The following HHLA2 variants were observed in gnomAD, a reference collection of about 807,000 sequenced individuals.
HHLA2 encodes HERV-H LTR-associating protein 2.
A neutral mutation model predicts 45.9 loss-of-function variants in HHLA2; 48 were observed. That is an observed-to-expected ratio of 1.05 (90% confidence interval 0.83 to 1.33). HHLA2 has a LOEUF of 1.33. HHLA2 is among the 40% of genes most tolerant of loss of function. The probability of loss-of-function intolerance (pLI) is 0.00; values close to 1 mark genes in which losing one functional copy is unlikely to be tolerated. For synonymous variants in HHLA2, 161 were observed against 173.9 expected (o/e 0.93, Z 0.59); for missense variants, 462 against 494.3 (o/e 0.93, Z 0.62).
Position 108,301,189 on chromosome 3 carries a change from T to TAGG in HHLA2, c.-192+4591_-192+4592insGGA, listed in dbSNP as rs536314090. Among the ~76,000 whole-genome samples, 491 of 152,322 alleles carry TAGG rather than the reference T, an allele frequency of 3.2e-3. 4 individuals are homozygous for TAGG. The highest frequency in any genetic ancestry group is 0.019 in the South Asian group (93 of 4,826). ...GCGTTTTATTTTATATGCAAAACAT[T>TAGG]ATATCCTAAGTGTGCTTTGTAGATT... is the stretch of plus-strand genomic sequence containing the variant. On this transcript the variant is annotated intron_variant, in intron 1 of 10. Coordinates refer to ENST00000619531, the Ensembl canonical transcript of HHLA2.
intron 8 of HHLA2, among the ~76,000 whole-genome samples, chr3:108,366,338 CA>C (rs1403166099): frequency 6.6e-6 from 1 of 152,212 alleles, no homozygotes; most frequent in Non-Finnish European, 1.5e-5. Flanking sequence ...CCAACTTTAT[CA>C]TGGTGCATAA....
At chr3:108,371,207 T>C (rs111495921) in intron 8 of HHLA2, among the ~76,000 whole-genome samples, 1,540 of 152,278 alleles carry the variant, frequency 0.01, 23 homozygotes, top group African/African-American at 0.035. Flanking sequence ...TCAACCAGAA[T>C]TTCATATCCA....
At chr3:108,326,019 T>C in intron 2 of HHLA2, 1 of 310,100 alleles carries the variant, frequency 3.2e-6, no homozygotes, top group Non-Finnish European at 6.3e-6. Context: ...GCAAAGCCCC[T>C]CTTCTTGCCA....
chr3:108,305,847 T>A (rs1363707774), intron 1 of HHLA2, among the ~76,000 whole-genome samples: 2 of 152,210 alleles, frequency 1.3e-5, no homozygotes, highest in Admixed American at 6.5e-5. Flanking sequence ...TTCTTTGGAT[T>A]CCTGGAGAAA....
chr3:108,303,618 A>G (rs985421890), intron 1 of HHLA2, among the ~76,000 whole-genome samples: 1 of 152,172 alleles, frequency 6.6e-6, no homozygotes, highest in Non-Finnish European at 1.5e-5. Flanking sequence ...ACCTAATTTA[A>G]GTGAAGTTTT....
chr3:108,371,499 CTAAATGCTCCAATTAA>C (rs1363024949), intron 8 of HHLA2, among the ~76,000 whole-genome samples: 1 of 152,094 alleles, frequency 6.6e-6, no homozygotes, highest in Non-Finnish European at 1.5e-5. Context: ...TGTAAATGGG[CTAAATGCTCCAATTAA>C]AAGACACAGA....
exon 8 of HHLA2, chr3:108,362,389 G>C: frequency 6.2e-7 from 1 of 1,612,770 alleles, no homozygotes; most frequent in Non-Finnish European, 8.5e-7. Flanking sequence ...ATGGATTTTG[G>C]TGCCCTCTGC....
chr3:108,301,364 T>A (rs2080845873), intron 1 of HHLA2, among the ~76,000 whole-genome samples: 1 of 152,194 alleles, frequency 6.6e-6, no homozygotes, highest in Admixed American at 6.5e-5. Context: ...CAGAAATAGA[T>A]GACTGAATAC....
chr3:108,333,232 G>A (rs888538113), intron 3 of HHLA2, among the ~76,000 whole-genome samples: 1 of 152,092 alleles, frequency 6.6e-6, no homozygotes, highest in African/African-American at 2.4e-5. Context: ...GCTAATTCTG[G>A]TCCAGAGTCA....
rs960209441 is a variant in HHLA2 at position 108,344,457 on chromosome 3, T to C, written c.-26-7331T>C. On this transcript the variant is annotated intron_variant, in intron 3 of 10. Coordinates refer to ENST00000619531, the Ensembl canonical transcript of HHLA2. ...AGCATTCATCTTATTCAATTAGTCATTGAAGATAGACCAGGTTTGGTCTTG... is the reference window on the plus strand; with the variant it reads ...AGCATTCATCTTATTCAATTAGTCACTGAAGATAGACCAGGTTTGGTCTTG... Among the ~76,000 whole-genome samples the C allele has an allele frequency of 6.6e-5, 10 of 152,228 alleles. No individual in the cohort carries two copies. In the East Asian group the frequency reaches 1.3e-3, roughly 21 times the overall value.
At chr3:108,355,291 C>G (rs754137961) in exon 6 of HHLA2, 2 of 1,613,842 alleles carry the variant, frequency 1.2e-6, no homozygotes, top group South Asian at 1.1e-5. Context: ...TAACAGCCCA[C>G]TGAATATTAC....
chr3:108,348,802 C>A (rs1363475743), intron 3 of HHLA2, among the ~76,000 whole-genome samples: 1 of 151,956 alleles, frequency 6.6e-6, no homozygotes, highest in Non-Finnish European at 1.5e-5. Context: ...TCCCCTAGCC[C>A]CCCACCCCCT....
At chr3:108,317,686 T>C (rs897235683) in intron 2 of HHLA2, among the ~76,000 whole-genome samples, 1 of 151,526 alleles carries the variant, frequency 6.6e-6, no homozygotes, top group Admixed American at 6.6e-5. Context: ...GCGATTCTCC[T>C]GCCTCAGCCT....
In HHLA2 at chr3:108,347,675, C is replaced by T. The variant is rs77362059; in HGVS notation, c.-26-4113C>T. On this transcript the variant is annotated intron_variant, in intron 3 of 10. Coordinates refer to ENST00000619531, the Ensembl canonical transcript of HHLA2. Reference sequence around the variant, plus strand: ...TAGGAAAAGGGTAACCAGCCGAATGCGTATTTGTAGATATCCAGGTAAGAA... The same window carrying T: ...TAGGAAAAGGGTAACCAGCCGAATGTGTATTTGTAGATATCCAGGTAAGAA... 7.0e-3 allele frequency among the ~76,000 whole-genome samples: 1,072 copies of T among 152,136 alleles called. 12 individuals are homozygous for T. Among genetic ancestry groups the T allele is most frequent in the African/African-American group, 0.025 (1,022 of 41,486 alleles).
At chr3:108,316,901 C>T (rs926380597) in intron 2 of HHLA2, among the ~76,000 whole-genome samples, 2 of 152,098 alleles carry the variant, frequency 1.3e-5, no homozygotes, top group Non-Finnish European at 2.9e-5. Context: ...CTAAGACCCT[C>T]AATAAATATG....
At chr3:108,328,417 G>C (rs920252888) in intron 3 of HHLA2, 1 of 981,676 alleles carries the variant, frequency 1.0e-6, no homozygotes, top group Non-Finnish European at 1.5e-6. Flanking sequence ...ATTACTGCAT[G>C]ACCAGGAAAC....
At chr3:108,368,535 CAAAAAAAAAAAAAAAAAAAAA>C (rs55718572) in intron 8 of HHLA2, among the ~76,000 whole-genome samples, 9 of 6,622 alleles carry the variant, frequency 1.4e-3, no homozygotes, top group African/African-American at 5.2e-3. Flanking sequence ...AAACGAAGAG[CAAAAAAAAAAAAAAAAAAAAA>C]AAAAAAAAAA....
At chr3:108,340,016 G>C (rs939697826) in intron 3 of HHLA2, among the ~76,000 whole-genome samples, 1 of 152,150 alleles carries the variant, frequency 6.6e-6, no homozygotes, top group Non-Finnish European at 1.5e-5. Flanking sequence ...GACGGTAAAG[G>C]TAGATGGGAA....
At chr3:108,321,995 T>C (rs2081211621) in intron 2 of HHLA2, among the ~76,000 whole-genome samples, 1 of 152,254 alleles carries the variant, frequency 6.6e-6, no homozygotes, top group Non-Finnish European at 1.5e-5. Flanking sequence ...GTTATAGTTT[T>C]ATTTCATTTG....
Sources: gnomAD v4.1 joint callset for allele counts (sites outside exome capture counted in the v4.1 genomes callset) on GRCh38, gnomAD v4.1.1 for gene constraint, MANE v1.5 for transcripts, NCBI Gene and HGNC (gene_info 2026-07-23, HGNC 2026-07-21) for gene names.